The following TXNDC11 variants were observed in gnomAD, a reference collection of about 807,000 sequenced individuals.
TXNDC11 encodes thioredoxin domain-containing protein 11.
Under a neutral mutation model 78.0 loss-of-function variants are expected in TXNDC11, and 68 were observed. That is an observed-to-expected ratio of 0.87 (90% CI 0.72 to 1.07). The LOEUF is 1.07. Ranked by LOEUF, TXNDC11 falls within the 50% of genes least tolerant of loss-of-function variation. The pLI is 0.00. For synonymous variants in TXNDC11, 571 were observed against 495.2 expected (o/e 1.15, Z -2.03); for missense variants, 1,389 against 1,221.8 (o/e 1.14, Z -2.04).
rs533125618 is a variant in TXNDC11, at chr16:11,705,171, T to A, written c.794-4607A>T. On this transcript the variant is annotated intron_variant, in intron 5 of 11. Transcript: ENST00000283033. Reference sequence around the variant, plus strand: ...CCTCAGCCTCCCAAAGTGCTGAGATTACAGGTGTGAGCCACCACACCCAAC... The same window carrying A: ...CCTCAGCCTCCCAAAGTGCTGAGATAACAGGTGTGAGCCACCACACCCAAC... Among the ~76,000 whole-genome samples, 37 of 152,328 alleles carry A rather than the reference T, an allele frequency of 2.4e-4. No individual in the cohort carries two copies. The South Asian group carries it at 6.8e-3, about 28-fold the overall frequency.
chr16:11,738,431 C>T (rs1375639115), intron 1 of TXNDC11, among the ~76,000 whole-genome samples: 4 of 152,162 alleles, frequency 2.6e-5, no homozygotes, highest in African/African-American at 7.2e-5. Flanking sequence ...GCTAGCACTG[C>T]GTGTTGTCGA....
chr16:11,721,621 C>G lies in TXNDC11; in HGVS notation c.749G>C (p.Gly250Ala), dbSNP rs1298002210. Residue 250 changes from glycine to alanine, a missense_variant, in exon 5 of 12, where the codon GGT becomes GCT. Coordinates refer to ENST00000283033, the MANE Select transcript of TXNDC11 (RefSeq NM_015914.7). ...FEFSGSPQPP[G>A]YLTFFTSALH... ...TGCTGAGGTGAAGAAGGTCAAATAA[C>G]CAGGAGGCTGGGGTGAGCCACTGAA... The G allele has an allele frequency of 6.2e-7, 1 of 1,612,404 alleles. No homozygotes were observed. Among genetic ancestry groups the G allele is most frequent in the Non-Finnish European group, 8.5e-7 (1 of 1,178,974 alleles).
rs1341580259 is a variant in TXNDC11, at chr16:11,734,005, A to C, written c.546T>G (p.Pro182=). 6.2e-7 allele frequency: 1 copy of C among 1,607,382 alleles called. No homozygotes were observed. The highest frequency in any genetic ancestry group is 8.5e-7 in the Non-Finnish European group (1 of 1,178,356). The change falls in exon 3 of 12, where the codon CCT becomes CCG. Residue 182 remains proline, a synonymous_variant. Transcript: ENST00000283033. ...CRKQKHFFYF[P]VIYLYHRSFG... ...ACCTCCGATGATACAGATATATTAC[A>C]GGAAAATAAAAGAAGTGTTTCTGTT... is the stretch of plus-strand genomic sequence containing the variant.
intron 5 of TXNDC11, among the ~76,000 whole-genome samples, chr16:11,704,508 A>G (rs1051978989): frequency 5.3e-5 from 8 of 152,230 alleles, no homozygotes; most frequent in Non-Finnish European, 1.0e-4. Context: ...GGAGAAACAC[A>G]GCAGACACTA....
At chr16:11,715,318 ATTG>A (rs992909219) in intron 5 of TXNDC11, among the ~76,000 whole-genome samples, 7 of 152,192 alleles carry the variant, frequency 4.6e-5, no homozygotes, top group African/African-American at 1.7e-4. Flanking sequence ...ACAAAAAAAA[ATTG>A]TTGTAACTTG....
chr16:11,701,067 C>G (rs1328448326), intron 5 of TXNDC11, among the ~76,000 whole-genome samples: 1 of 151,672 alleles, frequency 6.6e-6, no homozygotes, highest in Non-Finnish European at 1.5e-5. Flanking sequence ...TTTTTTATAG[C>G]ACTTATTAAC....
intron 10 of TXNDC11, among the ~76,000 whole-genome samples, chr16:11,684,492 C>G (rs571118409): frequency 3.3e-5 from 5 of 152,126 alleles, no homozygotes; most frequent in African/African-American, 4.8e-5. Flanking sequence ...AATGAACTTG[C>G]AGAAAATGCC....
Position 11,742,817 on chromosome 16 carries a change from G to C in TXNDC11, c.-87C>G. 1 of 1,370,410 alleles carries C rather than the reference G, an allele frequency of 7.3e-7. No individual in the cohort carries two copies. The highest frequency in any genetic ancestry group is 1.9e-5 in the South Asian group (1 of 53,932). 84.9% of individuals were successfully genotyped at this position (1,370,410 alleles called of 1,614,324 possible). Reference sequence around the variant, plus strand: ...CGGCCCGTTGCTCCCCAATCCCGCAGCTCGCCGCACCCGCTAACCCGGACG... The same window carrying C: ...CGGCCCGTTGCTCCCCAATCCCGCACCTCGCCGCACCCGCTAACCCGGACG... On this transcript the variant is annotated 5_prime_UTR_variant, in exon 1 of 12. Transcript: ENST00000283033.
chr16:11,722,641 A>G (rs549725587), intron 4 of TXNDC11, among the ~76,000 whole-genome samples: 11 of 152,192 alleles, frequency 7.2e-5, no homozygotes, highest in Admixed American at 3.3e-4. Flanking sequence ...AATAGGAACA[A>G]TTCTTCACAG....
chr16:11,720,620 T>C (rs1021635552), intron 5 of TXNDC11, among the ~76,000 whole-genome samples: 10 of 152,134 alleles, frequency 6.6e-5, no homozygotes, highest in Non-Finnish European at 2.9e-5. Flanking sequence ...TTTCGTCATG[T>C]TGGCCAGACT....
rs1342639562 is a variant in TXNDC11, at chr16:11,691,291, T to G, written c.1899A>C (p.Leu633=). 7.4e-6 allele frequency: 12 copies of G among 1,611,154 alleles called. No homozygotes were observed. Among genetic ancestry groups the G allele is most frequent in the South Asian group, 1.1e-5 (1 of 90,704 alleles). Reference sequence around the variant, plus strand: ...GGGGAAATAAACTGCCTGCAGTACCTAGGGTGAGCTTCATCAGTGCTTGCT... The same window carrying G: ...GGGGAAATAAACTGCCTGCAGTACCGAGGGTGAGCTTCATCAGTGCTTGCT... ...DPKQALMKLT[L]ESFIQNFSVL... is the part of the protein sequence containing the mutation. The change falls in exon 8 of 12, where the codon CTA becomes CTC. Residue 633 remains leucine (L), a splice_region_variant and synonymous_variant. Transcript: ENST00000283033.
chr16:11,695,278 G>C (rs1209330171), intron 7 of TXNDC11, among the ~76,000 whole-genome samples: 1 of 151,960 alleles, frequency 6.6e-6, no homozygotes, highest in African/African-American at 2.4e-5. Context: ...CTATGGGCTT[G>C]GTGCGGCCAC....
chr16:11,688,249 A>G lies in TXNDC11; in HGVS notation c.2043+54T>C. 1.9e-6 allele frequency: 3 copies of G among 1,587,492 alleles called. No individual in the cohort carries two copies. In the South Asian group the frequency reaches 3.4e-5, roughly 18 times the overall value. ...GCTCACCCCAACAACTGTAGTTTGG[A>G]AATTATTTTAAGAGGGACAGATGGC... is the stretch of plus-strand genomic sequence containing the variant. On this transcript the variant is annotated intron_variant, in intron 9 of 11. Transcript: ENST00000283033.
intron 4 of TXNDC11, among the ~76,000 whole-genome samples, chr16:11,729,681 A>T (rs2051987177): frequency 6.6e-6 from 1 of 152,226 alleles, no homozygotes; most frequent in South Asian, 2.1e-4. Context: ...GTACTCAAGT[A>T]TGATTTTACA....
At position 11,730,647 on chromosome 16, in the gene TXNDC11, C is replaced by T. The variant is rs775064654; in HGVS notation, c.697G>A (p.Glu233Lys). ...GAGGAGATATGAAAGACAAGTACCTCGTAGTTTGAGAGAAAATCTAGTAAT... is the reference window on the plus strand; with the variant it reads ...GAGGAGATATGAAAGACAAGTACCTTGTAGTTTGAGAGAAAATCTAGTAAT... ...SELLDFLSNY[E>K]PGVLGYFEFS... The change falls in exon 4 of 12, where the codon GAG becomes AAG. Residue 233 changes from glutamate (E) to lysine (K), a missense_variant and splice_region_variant. By Grantham distance (56) the Glu-to-Lys change is moderately conservative. Transcript: ENST00000283033. 6.2e-6 allele frequency: 10 copies of T among 1,613,086 alleles called. No individual in the cohort carries two copies. The highest frequency in any genetic ancestry group is 1.1e-5 in the South Asian group (1 of 90,990).
intron 4 of TXNDC11, among the ~76,000 whole-genome samples, chr16:11,724,302 CAAAT>C (rs1270057187): frequency 6.6e-6 from 1 of 152,094 alleles, no homozygotes; most frequent in Admixed American, 6.6e-5. Context: ...ATCAAACAAA[CAAAT>C]AAATAAGAAA....
At chr16:11,711,115 G>A (rs910670701) in intron 5 of TXNDC11, among the ~76,000 whole-genome samples, 1 of 151,990 alleles carries the variant, frequency 6.6e-6, no homozygotes, top group Non-Finnish European at 1.5e-5. Flanking sequence ...ACATTAGGCA[G>A]GGAAAAACAT....
intron 1 of TXNDC11, chr16:11,742,266 C>A: frequency 2.2e-6 from 1 of 455,176 alleles, no homozygotes; most frequent in Non-Finnish European, 3.8e-6. Flanking sequence ...CGCAGGGCTC[C>A]ACCCGGAAGC....
chr16:11,679,713 C>A lies in TXNDC11; in HGVS notation c.2359G>T (p.Glu787Ter), dbSNP rs2050370091. The A allele has an allele frequency of 6.2e-7, 1 of 1,614,068 alleles. No homozygotes were observed. Among genetic ancestry groups the A allele is most frequent in the African/African-American group, 1.3e-5 (1 of 74,932 alleles). Reference sequence around the variant, plus strand: ...AAGACTGCCTCGCTCTGAAGACACTCCTTGGTAGGAGAGTTAGCCACATTC... The same window carrying A: ...AAGACTGCCTCGCTCTGAAGACACTACTTGGTAGGAGAGTTAGCCACATTC... ...PQNVANSPTK[E>*]CLQSEAVLQR... Residue 787 changes from glutamate (E) to a stop codon, truncating the protein, a stop_gained, in exon 12 of 12, where the codon GAG (glutamate) becomes TAG (stop). Coordinates refer to ENST00000283033, the MANE Select transcript of TXNDC11 (RefSeq NM_015914.7). LOFTEE classifies it low-confidence loss of function (END_TRUNC). This position sits in a 1 kb window ranked among gnomAD's most constrained non-coding sequence, Gnocchi z 4.6.
Sources: gnomAD v4.1 joint callset for allele counts (sites outside exome capture counted in the v4.1 genomes callset) on GRCh38, gnomAD v4.1.1 for gene constraint, Gnocchi (gnomAD v3.1) non-coding constraint, MANE v1.5 for transcripts, NCBI Gene and HGNC (gene_info 2026-07-23, HGNC 2026-07-21) for gene names.